The following RFX4 variants were observed in gnomAD, a reference collection of about 807,000 sequenced individuals.
RFX4 encodes the protein transcription factor RFX4.
A neutral mutation model predicts 95.0 loss-of-function variants in RFX4; 10 were observed. The ratio of observed to expected loss-of-function variants is 0.11; its 90% confidence interval spans 0.06 to 0.18. RFX4 has a LOEUF of 0.18. Ranked by LOEUF, RFX4 falls within the 10% of genes least tolerant of loss-of-function variation. The pLI, the probability that RFX4 is intolerant of heterozygous loss-of-function variation, is 1.00. For synonymous variants in RFX4, 321 were observed against 340.7 expected (o/e 0.94, Z 0.64); for missense variants, 640 against 922.0 (o/e 0.69, Z 3.96).
chr12:106,593,466 C>T (rs951063134), intron 1 of RFX4, among the ~76,000 whole-genome samples: 1 of 152,224 alleles, frequency 6.6e-6, no homozygotes, highest in Non-Finnish European at 1.5e-5. Context: ...TGGAAGCAAA[C>T]TAGTCTTTGA....
chr12:106,742,961 C>A (rs1442364455), intron 15 of RFX4, among the ~76,000 whole-genome samples: 2 of 152,140 alleles, frequency 1.3e-5, no homozygotes, highest in African/African-American at 4.8e-5. Flanking sequence ...TTCCGAGCAC[C>A]CTTCCTGTCC....
chr12:106,742,291 A>T (rs1250583991), intron 15 of RFX4, among the ~76,000 whole-genome samples: 1 of 151,910 alleles, frequency 6.6e-6, no homozygotes, highest in African/African-American at 2.4e-5. Flanking sequence ...AGCTCAAGTG[A>T]TCCTCCCGCC....
chr12:106,645,771 C>A, intron 3 of RFX4: 1 of 543,296 alleles, frequency 1.8e-6, no homozygotes, highest in Non-Finnish European at 3.0e-6. Flanking sequence ...TGACTTGATT[C>A]TTACTCAACA....
At chr12:106,653,239 T>A (rs1038137062) in intron 3 of RFX4, among the ~76,000 whole-genome samples, 1 of 152,178 alleles carries the variant, frequency 6.6e-6, no homozygotes, top group South Asian at 2.1e-4. Flanking sequence ...GAATAATAAA[T>A]TTTTTAAACC....
intron 3 of RFX4, among the ~76,000 whole-genome samples, chr12:106,652,615 C>T (rs571495928): frequency 2.0e-5 from 3 of 152,142 alleles, no homozygotes; most frequent in African/African-American, 7.2e-5. Flanking sequence ...CCCAGAAGCG[C>T]GGGAAGTAGA....
intron 7 of RFX4, among the ~76,000 whole-genome samples, chr12:106,695,283 C>T (rs554729553): frequency 6.6e-6 from 1 of 152,320 alleles, no homozygotes; most frequent in African/African-American, 2.4e-5. Flanking sequence ...GGCTGCTCCC[C>T]AACTGAAGAT....
chr12:106,599,878 G>T (rs2039675372), intron 1 of RFX4, among the ~76,000 whole-genome samples: 1 of 151,980 alleles, frequency 6.6e-6, no homozygotes, highest in Admixed American at 6.5e-5. Flanking sequence ...ATCTCAAAAT[G>T]TTCAGGTTTG....
At chr12:106,615,539 G>A (rs2040055780) in intron 2 of RFX4, among the ~76,000 whole-genome samples, 1 of 152,106 alleles carries the variant, frequency 6.6e-6, no homozygotes, top group African/African-American at 2.4e-5. Flanking sequence ...GATTTCTGAT[G>A]GGGATTGCAT....
chr12:106,658,232 G>A (rs1391970364), intron 4 of RFX4, among the ~76,000 whole-genome samples: 2 of 152,116 alleles, frequency 1.3e-5, no homozygotes, highest in African/African-American at 4.8e-5. Context: ...CTATGAAACT[G>A]GTGTTGTATC....
intron 17 of RFX4, among the ~76,000 whole-genome samples, chr12:106,759,674 A>G (rs2043175447): frequency 6.6e-6 from 1 of 152,062 alleles, no homozygotes; most frequent in African/African-American, 2.4e-5. Context: ...CTGATTTGGG[A>G]TTAGGAAAGC....
At chr12:106,752,302 TG>T (rs1217300909) in intron 17 of RFX4, among the ~76,000 whole-genome samples, 1 of 151,908 alleles carries the variant, frequency 6.6e-6, no homozygotes, top group Non-Finnish European at 1.5e-5. Flanking sequence ...TCTATATCTC[TG>T]TTTTGGTACC....
At chr12:106,612,477 T>G (rs935243388) in intron 2 of RFX4, among the ~76,000 whole-genome samples, 4 of 152,242 alleles carry the variant, frequency 2.6e-5, no homozygotes, top group African/African-American at 9.6e-5. Context: ...TTTGCTGAAT[T>G]CATTTATTAG....
chr12:106,664,014 T>A (rs968850754), intron 4 of RFX4, among the ~76,000 whole-genome samples: 6 of 151,850 alleles, frequency 4.0e-5, no homozygotes, highest in Non-Finnish European at 8.9e-5. Context: ...GAAATTGGTG[T>A]GTAACTTTTT....
intron 5 of RFX4, among the ~76,000 whole-genome samples, chr12:106,683,926 C>G (rs2041587147): frequency 6.6e-6 from 1 of 152,142 alleles, no homozygotes; most frequent in South Asian, 2.1e-4. Flanking sequence ...TCTGTATAAT[C>G]AATTTTATTG....
intron 1 of RFX4, among the ~76,000 whole-genome samples, chr12:106,603,425 G>A (rs554875998): frequency 6.6e-6 from 1 of 152,182 alleles, no homozygotes; most frequent in Non-Finnish European, 1.5e-5. Flanking sequence ...AAGTGCAGAG[G>A]CATAAAGATC....
chr12:106,673,280 C>A lies in RFX4; in HGVS notation c.316-8713C>A, dbSNP rs139500162. On this transcript the variant is annotated intron_variant, in intron 4 of 17. Coordinates refer to ENST00000392842, the MANE Select transcript of RFX4 (RefSeq NM_213594.3). ...GTTAATAGATATGGACCCCCTGCTC[C>A]GGCTCCTCCCTGGCAGCTGGTCACT... 1.1e-3 allele frequency among the ~76,000 whole-genome samples: 168 copies of A among 152,260 alleles called. No individual in the cohort carries two copies. In the East Asian group the frequency reaches 0.03, roughly 27 times the overall value.
Position 106,720,588 on chromosome 12 carries a change from T to G in RFX4, c.1234-171T>G, listed in dbSNP as rs527819742. Among the ~76,000 whole-genome samples, 2 of 152,284 alleles carry G rather than the reference T, an allele frequency of 1.3e-5. No homozygotes were observed. Among genetic ancestry groups the G allele is most frequent in the South Asian group, 4.1e-4 (2 of 4,820 alleles). ...TGTAGAGATGGGGTTTCTGCCACGT[T>G]GCCCAGGCTGGTCTCAAACTCCTAG... On this transcript the variant is annotated intron_variant, in intron 12 of 17. Transcript: ENST00000392842. The surrounding 1 kb of genome is among the most constrained non-coding windows in gnomAD (Gnocchi z 4.2).
intron 4 of RFX4, among the ~76,000 whole-genome samples, chr12:106,669,228 C>A (rs1268951563): frequency 6.6e-6 from 1 of 152,110 alleles, no homozygotes; most frequent in Admixed American, 6.5e-5. Context: ...GCAGGTCTCC[C>A]CCTCCCCCAC....
intron 2 of RFX4, among the ~76,000 whole-genome samples, chr12:106,621,878 C>T (rs971935795): frequency 5.9e-5 from 9 of 152,196 alleles, no homozygotes; most frequent in Admixed American, 3.3e-4. Flanking sequence ...ACTTCTGGTG[C>T]TTCCTTTCTT....
Sources: allele counts gnomAD v4.1 joint callset (sites outside exome capture counted in the v4.1 genomes callset), GRCh38; gene constraint gnomAD v4.1.1; non-coding constraint Gnocchi (gnomAD v3.1); transcripts MANE v1.5; gene names NCBI Gene and HGNC (gene_info 2026-07-23, HGNC 2026-07-21).